TYW1: variants seen among roughly 807,000 people sequenced by gnomAD.
The protein encoded by TYW1 is S-adenosyl-L-methionine-dependent tRNA 4-demethylwyosine synthase TYW1.
Under a neutral mutation model 96.2 loss-of-function variants are expected in TYW1, and 46 were observed. The observed-to-expected ratio is 0.48, with a 90% confidence interval of 0.38 to 0.61. The LOEUF is 0.61. Ranked by LOEUF, TYW1 falls within the 20% of genes least tolerant of loss-of-function variation. The pLI is 0.00. For synonymous variants in TYW1, 274 were observed against 323.0 expected (o/e 0.85, Z 1.63); for missense variants, 684 against 909.6 (o/e 0.75, Z 3.19).
At chr7:67,057,161 C>T (rs1374715313) in intron 9 of TYW1, among the ~76,000 whole-genome samples, 5 of 151,680 alleles carry the variant, frequency 3.3e-5, no homozygotes, top group Non-Finnish European at 4.4e-5. Flanking sequence ...ACTACAGGCG[C>T]GCACCACCAC....
At chr7:67,211,150 T>TTGTGTGTGTGTGTGTGTGTGTGTGTGTG (rs61112149) in intron 15 of TYW1, among the ~76,000 whole-genome samples, 4 of 125,802 alleles carry the variant, frequency 3.2e-5, no homozygotes, top group Non-Finnish European at 5.2e-5. Flanking sequence ...CCCATCAACA[T>TTGTGTGTGTGTGTGTGTGTGTGTGTGTG]TGTGTGTGTG....
intron 10 of TYW1, among the ~76,000 whole-genome samples, chr7:67,073,523 G>A (rs1408041755): frequency 1.3e-5 from 2 of 152,138 alleles, no homozygotes; most frequent in African/African-American, 4.8e-5. Context: ...TGTAATCCCA[G>A]CACTTTGGGA....
At chr7:67,229,052 G>A (rs1282583161) in intron 15 of TYW1, among the ~76,000 whole-genome samples, 2 of 152,170 alleles carry the variant, frequency 1.3e-5, no homozygotes, top group Non-Finnish European at 2.9e-5. Context: ...ATGGAAGCTT[G>A]TAAATAAAAT....
chr7:67,053,281 G>A (rs921808420), intron 8 of TYW1, among the ~76,000 whole-genome samples: 13 of 152,046 alleles, frequency 8.6e-5, no homozygotes, highest in Middle Eastern at 3.4e-3. Context: ...TAGTCTGACT[G>A]GCAGAAGCAG....
intron 13 of TYW1, among the ~76,000 whole-genome samples, chr7:67,171,949 G>A (rs955166288): frequency 3.3e-5 from 5 of 151,752 alleles, no homozygotes; most frequent in Admixed American, 6.6e-5. Context: ...CTAGTCTATC[G>A]TGCATCTCTG....
chr7:67,106,363 T>G (rs1797244402), intron 12 of TYW1, among the ~76,000 whole-genome samples: 1 of 152,330 alleles, frequency 6.6e-6, no homozygotes, highest in African/African-American at 2.4e-5. Flanking sequence ...TGCATTCAGC[T>G]TTGCAGTCCT....
At chr7:67,073,868 G>A (rs941707213) in intron 10 of TYW1, among the ~76,000 whole-genome samples, 2 of 150,396 alleles carry the variant, frequency 1.3e-5, no homozygotes, top group African/African-American at 4.9e-5. Context: ...AGATCACGAG[G>A]TCAGGAGATC....
At chr7:67,059,096 G>GTTTTT (rs557933957) in intron 9 of TYW1, among the ~76,000 whole-genome samples, 1 of 124,636 alleles carries the variant, frequency 8.0e-6, no homozygotes, top group African/African-American at 3.0e-5. Context: ...TGAAGACAAA[G>GTTTTT]TTTTTTTTTT....
intron 9 of TYW1, among the ~76,000 whole-genome samples, chr7:67,060,448 G>A (rs1795662265): frequency 6.6e-6 from 1 of 152,228 alleles, no homozygotes; most frequent in African/African-American, 2.4e-5. Context: ...ATGGCTTTGA[G>A]TTGTGAATCT....
chr7:67,229,817 G>A (rs548464074), intron 15 of TYW1, among the ~76,000 whole-genome samples: 34 of 152,268 alleles, frequency 2.2e-4, no homozygotes, highest in African/African-American at 6.7e-4. Flanking sequence ...AGCTGGATAT[G>A]GTGGCATGCA....
chr7:67,065,210 C>G (rs1279359339), intron 9 of TYW1, among the ~76,000 whole-genome samples: 2 of 152,174 alleles, frequency 1.3e-5, no homozygotes, highest in Non-Finnish European at 2.9e-5. Flanking sequence ...TCTGGTCTCT[C>G]TTCCTGTTCT....
intron 7 of TYW1, among the ~76,000 whole-genome samples, chr7:67,029,003 T>C (rs904087835): frequency 1.8e-4 from 21 of 114,984 alleles, no homozygotes; most frequent in South Asian, 2.7e-4. Context: ...TGATATGGAC[T>C]TTTTTTTTTT....
chr7:67,091,670 A>AC (rs1185170719), intron 11 of TYW1, among the ~76,000 whole-genome samples: 1 of 152,154 alleles, frequency 6.6e-6, no homozygotes, highest in African/African-American at 2.4e-5. Context: ...TTTTGGGAGG[A>AC]CCAGTGTAAC....
intron 13 of TYW1, among the ~76,000 whole-genome samples, chr7:67,128,436 T>C (rs1184385480): frequency 1.3e-5 from 2 of 152,222 alleles, no homozygotes; most frequent in South Asian, 2.1e-4. Context: ...TCTTGTGTGC[T>C]GTGTACTTTA....
chr7:67,073,231 A>T (rs1157540640), intron 10 of TYW1, among the ~76,000 whole-genome samples: 11 of 152,066 alleles, frequency 7.2e-5, no homozygotes, highest in Admixed American at 2.6e-4. Flanking sequence ...CCATACGGAG[A>T]TTTGGAACAT....
At chr7:67,042,527 A>C (rs550529491) in intron 7 of TYW1, among the ~76,000 whole-genome samples, 1 of 152,100 alleles carries the variant, frequency 6.6e-6, no homozygotes, top group Non-Finnish European at 1.5e-5. Context: ...GGGGGTAGGG[A>C]TATTTGGAGC....
At position 67,049,942 on chromosome 7, in the gene TYW1, A is replaced by T; in HGVS notation, c.985-7A>T. The T allele has an allele frequency of 6.2e-7, 1 of 1,613,232 alleles. No homozygotes were observed. ...TCTGGATTTCATTCTTTTTTATTTT[A>T]ATGCAGAGAGAAAAGGAACAGCAGG... is the stretch of plus-strand genomic sequence containing the variant. On this transcript the variant is annotated splice_polypyrimidine_tract_variant and splice_region_variant and intron_variant, in intron 7 of 15. Transcript: ENST00000359626.
chr7:67,162,979 C>A (rs1286228585), intron 13 of TYW1, among the ~76,000 whole-genome samples: 2 of 152,156 alleles, frequency 1.3e-5, no homozygotes, highest in Non-Finnish European at 2.9e-5. Context: ...AACCTTACCA[C>A]TTATTTATTC....
chr7:67,119,119 CTCCT>C (rs10591832), intron 13 of TYW1, among the ~76,000 whole-genome samples: 94,292 of 149,924 alleles, frequency 0.63, 29,808 homozygotes, highest in Middle Eastern at 0.72. Context: ...TCCATTAATC[CTCCT>C]TCCTTCCTTC....
Sources: gnomAD v4.1 joint callset for allele counts (sites outside exome capture counted in the v4.1 genomes callset) on GRCh38, gnomAD v4.1.1 for gene constraint, MANE v1.5 for transcripts, NCBI Gene and HGNC (gene_info 2026-07-23, HGNC 2026-07-21) for gene names.